The following EXOC1L variants were observed in gnomAD, a reference collection of about 807,000 sequenced individuals.
EXOC1L encodes exocyst complex component 1 like.
Under a neutral mutation model 4.9 loss-of-function variants are expected in EXOC1L, and 10 were observed. The ratio of observed to expected loss-of-function variants is 2.02; its 90% confidence interval spans 1.25 to 3.43. The LOEUF (loss-of-function observed/expected upper bound fraction) is 3.43. EXOC1L is among the 30% of genes most tolerant of loss of function. The pLI, the probability that EXOC1L is intolerant of heterozygous loss-of-function variation, is 0.00. For synonymous variants in EXOC1L, 41 were observed against 20.8 expected, an observed-to-expected ratio of 1.97 and a Z score of -2.63; for missense variants, 114 against 59.4, an observed-to-expected ratio of 1.92 and a Z score of -3.02.
chr4:55,832,867 C>A (rs899405920), intron 2 of EXOC1L, among the ~76,000 whole-genome samples: 3 of 151,772 alleles, frequency 2.0e-5, no homozygotes, highest in Non-Finnish European at 4.4e-5. Flanking sequence ...TATTGTATAC[C>A]AGGCCCCACT....
chr4:55,823,101 CT>C (rs1237156893), intron 1 of EXOC1L, among the ~76,000 whole-genome samples: 1 of 151,670 alleles, frequency 6.6e-6, no homozygotes, highest in African/African-American at 2.4e-5. Flanking sequence ...AGAAAAACAT[CT>C]TCCATTCATA....
intron 1 of EXOC1L, among the ~76,000 whole-genome samples, chr4:55,826,553 C>T (rs1251071738): frequency 1.3e-5 from 2 of 152,156 alleles, no homozygotes; most frequent in Non-Finnish European, 2.9e-5. Flanking sequence ...AACAGATTAA[C>T]TCTGAAATTC....
chr4:55,836,201 T>C (rs1720156375), intron 2 of EXOC1L, among the ~76,000 whole-genome samples: 1 of 151,904 alleles, frequency 6.6e-6, no homozygotes, highest in Non-Finnish European at 1.5e-5. Flanking sequence ...TGCCTATTTG[T>C]TATTTAGGGC....
intron 1 of EXOC1L, among the ~76,000 whole-genome samples, chr4:55,822,009 C>T (rs191806077): frequency 7.2e-5 from 11 of 152,308 alleles, no homozygotes; most frequent in African/African-American, 2.4e-4. Flanking sequence ...GAGATCACAT[C>T]GTAATTGTTG....
At chr4:55,826,995 A>G (rs1293261667) in intron 1 of EXOC1L, among the ~76,000 whole-genome samples, 1 of 152,202 alleles carries the variant, frequency 6.6e-6, no homozygotes, top group Non-Finnish European at 1.5e-5. Context: ...CCCCACCTCC[A>G]ACCTATCCTT....
rs907919858 is a variant in EXOC1L at position 55,831,429 on chromosome 4, G to C, written c.217G>C (p.Asp73His). 1.4e-6 allele frequency: 1 copy of C among 696,184 alleles called. No individual in the cohort carries two copies. 43.1% of individuals were successfully genotyped at this position (696,184 alleles called of 1,614,324 possible). ...AGTAACAAAAAAGTGGTCTTTGAAC[G>C]ATCTGCAGATGATTGATGGAAAAGA... is the stretch of plus-strand genomic sequence containing the variant. ...YEVTKKWSLN[D>H]LQMIDGKEAD... Residue 73 changes from aspartate (D) to histidine (H), a missense_variant, in exon 2 of 3, where the codon GAT becomes CAT. By Grantham distance (81) the Asp-to-His change is moderately conservative (BLOSUM62 -1). Coordinates refer to ENST00000636125, the MANE Select transcript of EXOC1L (RefSeq NM_001351574.3).
At chr4:55,832,026 T>G (rs112036325) in intron 2 of EXOC1L, among the ~76,000 whole-genome samples, 20 of 152,152 alleles carry the variant, frequency 1.3e-4, no homozygotes, top group African/African-American at 4.8e-4. Context: ...ACCTCCACAA[T>G]GCTCAAGTAC....
chr4:55,827,478 T>TA (rs1719913397), intron 1 of EXOC1L, among the ~76,000 whole-genome samples: 1 of 152,192 alleles, frequency 6.6e-6, no homozygotes, highest in African/African-American at 2.4e-5. Context: ...CCCCACTCCC[T>TA]ACAATCTCAG....
Position 55,837,065 on chromosome 4 carries a change from T to C in EXOC1L, c.253-20T>C, listed in dbSNP as rs1353443153. On this transcript the variant is annotated intron_variant, in intron 2 of 2. Transcript: ENST00000636125. ...ACTTTCTTGGCTACCAACTAAATCA[T>C]GTCTCTCATTCTCTTCCAGGACAAT... 3 of 666,806 alleles carry C rather than the reference T, an allele frequency of 4.5e-6. No individual in the cohort carries two copies. 41.3% of individuals were successfully genotyped at this position (666,806 alleles called of 1,614,324 possible).
chr4:55,836,952 T>G (rs2110287191), intron 2 of EXOC1L, 133 bp from the exon 3 acceptor site: 1 of 474,262 alleles, frequency 2.1e-6, no homozygotes, highest in African/African-American at 2.0e-5. Context: ...AAAGCCCATT[T>G]GTAGATTTTA....
intron 2 of EXOC1L, among the ~76,000 whole-genome samples, chr4:55,835,538 T>C (rs774127119): frequency 6.6e-6 from 1 of 152,070 alleles, no homozygotes; most frequent in Non-Finnish European, 1.5e-5. Flanking sequence ...GATTTTTTGA[T>C]TATGATCATT....
At chr4:55,826,085 CAAAAAA>C (rs34455273) in intron 1 of EXOC1L, among the ~76,000 whole-genome samples, 1 of 78,650 alleles carries the variant, frequency 1.3e-5, no homozygotes, top group East Asian at 2.8e-4. Flanking sequence ...AACTCCATCT[CAAAAAA>C]AAAAAAAAAA....
chr4:55,829,242 C>G (rs1396165603), intron 1 of EXOC1L, among the ~76,000 whole-genome samples: 4 of 152,210 alleles, frequency 2.6e-5, no homozygotes, highest in Admixed American at 2.6e-4. Context: ...GTAAACCAGG[C>G]ACTATCCTAA....
At chr4:55,820,675 C>T (rs1196894413) in intron 1 of EXOC1L, among the ~76,000 whole-genome samples, 2 of 152,202 alleles carry the variant, frequency 1.3e-5, no homozygotes, top group Admixed American at 6.5e-5. Context: ...TATTTTAAAA[C>T]TTCTTTCTCT....
intron 1 of EXOC1L, among the ~76,000 whole-genome samples, chr4:55,824,084 C>T (rs1469027552): frequency 6.6e-6 from 1 of 151,982 alleles, no homozygotes; most frequent in African/African-American, 2.4e-5. Context: ...ATTCCCAAAA[C>T]TTACTAATTG....
At chr4:55,834,526 C>T (rs889707762) in intron 2 of EXOC1L, among the ~76,000 whole-genome samples, 14 of 151,906 alleles carry the variant, frequency 9.2e-5, no homozygotes, top group Admixed American at 5.9e-4. Flanking sequence ...CCAATTATTA[C>T]GCTAAAGGAA....
Position 55,835,744 on chromosome 4 carries a change from T to A in EXOC1L, c.253-1341T>A, listed in dbSNP as rs148082173. 4.4e-3 allele frequency among the ~76,000 whole-genome samples: 670 copies of A among 152,174 alleles called. 3 individuals are homozygous for A. The highest frequency in any genetic ancestry group is 0.015 in the African/African-American group (619 of 41,552). ...TGACTTGTTTGAGTTCCTTGTAGAT[T>A]CTGGATATTAGTCCTTTCTTGGATG... is the stretch of plus-strand genomic sequence containing the variant. On this transcript the variant is annotated intron_variant, in intron 2 of 2. Transcript: ENST00000636125.
At chr4:55,827,090 T>C (rs1719903327) in intron 1 of EXOC1L, among the ~76,000 whole-genome samples, 2 of 152,200 alleles carry the variant, frequency 1.3e-5, no homozygotes, top group South Asian at 4.1e-4. Context: ...AACTTCTCTC[T>C]CTTATACAGA....
At chr4:55,834,197 A>C (rs1046809796) in intron 2 of EXOC1L, among the ~76,000 whole-genome samples, 1 of 151,998 alleles carries the variant, frequency 6.6e-6, no homozygotes, top group African/African-American at 2.4e-5. Flanking sequence ...CAACTTTAAA[A>C]TGTAATGGAA....
Sources: gnomAD v4.1 joint callset for allele counts (sites outside exome capture counted in the v4.1 genomes callset) on GRCh38, gnomAD v4.1.1 for gene constraint, MANE v1.5 for transcripts, NCBI Gene and HGNC (gene_info 2026-07-23, HGNC 2026-07-21) for gene names.